The following USP9Y variants were observed in gnomAD, a reference collection of about 807,000 sequenced individuals.
USP9Y encodes the protein ubiquitin carboxyl-terminal hydrolase 9Y.
Under a neutral mutation model 53.1 loss-of-function variants are expected in USP9Y, and 41 were observed. The ratio of observed to expected loss-of-function variants is 0.77; its 90% CI spans 0.60 to 1.00. The LOEUF (loss-of-function observed/expected upper bound fraction) is 1.00. Among genes scored for constraint, USP9Y ranks in the 50% least tolerant of loss-of-function variants. The pLI is 0.00. For synonymous variants in USP9Y, 220 were observed against 173.7 expected (o/e 1.27, Z -2.09); for missense variants, 567 against 535.8 (o/e 1.06, Z -0.58).
intron 18 of USP9Y, 26 bp downstream of exon 18, chrY:12,775,592 T>A: frequency 3.1e-6 from 1 of 317,643 alleles, no homozygotes; most frequent in African/African-American, 6.8e-5. Flanking sequence ...CTTAAAAAGA[T>A]CCACAACAAT....
chrY:12,752,560 G>T, intron 12 of USP9Y, among the ~76,000 whole-genome samples: 1 of 32,755 alleles, frequency 3.1e-5, no homozygotes, highest in Non-Finnish European at 7.5e-5. Flanking sequence ...CCTTGTGTGT[G>T]CCTGTTACTT....
At chrY:12,714,867 G>A in intron 3 of USP9Y, among the ~76,000 whole-genome samples, 1 of 32,585 alleles carries the variant, frequency 3.1e-5, no homozygotes, top group African/African-American at 1.2e-4. Context: ...TTTCTTCAGA[G>A]ATGCACATTA....
At chrY:12,720,174 GA>G (rs2053434327) in intron 3 of USP9Y, among the ~76,000 whole-genome samples, 2 of 33,302 alleles carry the variant, frequency 6.0e-5, no homozygotes, top group Admixed American at 5.3e-4. Context: ...GAGGTGGGTG[GA>G]TCACCTGAGG....
intron 13 of USP9Y, among the ~76,000 whole-genome samples, chrY:12,757,797 A>G: frequency 6.1e-5 from 2 of 33,055 alleles, no homozygotes; most frequent in South Asian, 1.4e-3. Context: ...GCCATTTTTT[A>G]TTTCTAAAGT....
chrY:12,735,665 T>A lies in USP9Y; in HGVS notation c.711T>A (p.Ile237=). The A allele has an allele frequency of 2.5e-6, 1 of 396,954 alleles. No homozygotes were observed. Among genetic ancestry groups the A allele is most frequent in the East Asian group, 9.3e-5 (1 of 10,789 alleles). The change falls in exon 8 of 46, where the codon ATT becomes ATA. Residue 237 remains isoleucine, a synonymous_variant. Coordinates refer to ENST00000338981, the MANE Select transcript of USP9Y (RefSeq NM_004654.4). ...NKFGTLNGFQ[I]LHDRFFNGSA... ...TTGGCACATTAAATGGGTTCCAGAT[T>A]TTGCATGATCGTTTTTTTAATGGAT...
intron 42 of USP9Y, among the ~76,000 whole-genome samples, chrY:12,849,249 T>C (rs2053569861): frequency 3.0e-5 from 1 of 33,531 alleles, no homozygotes; most frequent in Non-Finnish European, 7.4e-5. Flanking sequence ...ATGATTTGGC[T>C]CTCTGTTATT....
intron 33 of USP9Y, among the ~76,000 whole-genome samples, chrY:12,824,919 G>T (rs770278424): frequency 6.3e-5 from 2 of 31,942 alleles, no homozygotes; most frequent in African/African-American, 1.2e-4. Flanking sequence ...TGTTTTTGTT[G>T]GTTTGTTTGT....
In USP9Y at chrY:12,736,432, T is replaced by C; in HGVS notation, c.1047T>C (p.Phe349=). Residue 349 remains phenylalanine, a synonymous_variant, in exon 10 of 46, where the codon TTT becomes TTC. Transcript: ENST00000338981. The part of the protein sequence containing the change: ...MILRLLQISS[F]NGKMNALNEI... ...ATAGATTGTTGCAAATTTCCTCTTT[T>C]AATGGAAAGATGAATGCACTGAATG... is the stretch of plus-strand genomic sequence containing the variant. 1 of 392,494 alleles carries C rather than the reference T, an allele frequency of 2.5e-6. No individual in the cohort carries two copies. Among genetic ancestry groups the C allele is most frequent in the Non-Finnish European group, 3.6e-6 (1 of 278,596 alleles).
intron 12 of USP9Y, among the ~76,000 whole-genome samples, chrY:12,749,845 A>G: frequency 5.9e-5 from 2 of 33,824 alleles, no homozygotes; most frequent in African/African-American, 2.3e-4. Context: ...CAGTTCTTCA[A>G]TTGTGTTATC....
intron 15 of USP9Y, among the ~76,000 whole-genome samples, chrY:12,761,610 A>G (rs930474416): frequency 3.0e-5 from 1 of 33,246 alleles, no homozygotes; most frequent in Non-Finnish European, 7.4e-5. Context: ...TTCATAAAAC[A>G]TCTGCGTCCC....
intron 4 of USP9Y, 85 bp downstream of exon 4, chrY:12,720,822 T>C: frequency 6.9e-6 from 2 of 288,396 alleles, no homozygotes; most frequent in Non-Finnish European, 1.1e-5. Flanking sequence ...TAGTAGTAAA[T>C]GAGAAAAAGA....
chrY:12,767,645 A>G, intron 15 of USP9Y, among the ~76,000 whole-genome samples: 3 of 30,651 alleles, frequency 9.8e-5, no homozygotes, highest in Admixed American at 6.1e-4. Context: ...TGTGTTTACA[A>G]TCGTCCTTAC....
chrY:12,838,601 C>T, intron 35 of USP9Y, among the ~76,000 whole-genome samples: 1 of 32,755 alleles, frequency 3.1e-5, no homozygotes, highest in South Asian at 6.8e-4. Flanking sequence ...CCACCTCAGC[C>T]TCCCAACTAG....
Position 12,735,611 on chromosome Y carries a change from G to A in USP9Y, c.658-1G>A. 1.0e-5 allele frequency: 4 copies of A among 380,970 alleles called. No homozygotes were observed. Among genetic ancestry groups the A allele is most frequent in the Non-Finnish European group, 1.5e-5 (4 of 268,588 alleles). On this transcript the variant is annotated splice_acceptor_variant, in intron 7 of 45. Coordinates refer to ENST00000338981, the MANE Select transcript of USP9Y (RefSeq NM_004654.4). LOFTEE classifies it high-confidence loss of function. ...AATTTTTATTATTAACTGTATTACA[G>A]GGTTGGCTAGTGGATCTCATCAATA...
intron 22 of USP9Y, among the ~76,000 whole-genome samples, chrY:12,781,092 A>C: frequency 3.1e-5 from 1 of 32,679 alleles, no homozygotes; most frequent in African/African-American, 1.2e-4. Context: ...TGCCTTGGAG[A>C]TACTGTGGTT....
chrY:12,712,751 T>G, intron 3 of USP9Y, among the ~76,000 whole-genome samples: 1 of 33,478 alleles, frequency 3.0e-5, no homozygotes, highest in Non-Finnish European at 7.4e-5. Context: ...TTTTTCTGCC[T>G]TTTGTGGTTG....
chrY:12,792,230 G>A (rs2053509106), intron 26 of USP9Y, among the ~76,000 whole-genome samples: 3 of 34,247 alleles, frequency 8.8e-5, no homozygotes, highest in Admixed American at 2.6e-4. Context: ...ATGTTGCAGT[G>A]AGTGGAAATC....
intron 26 of USP9Y, among the ~76,000 whole-genome samples, chrY:12,792,307 G>C (rs761513130): frequency 3.0e-5 from 1 of 33,651 alleles, no homozygotes; most frequent in Admixed American, 2.7e-4. Flanking sequence ...CATTTTACGT[G>C]GTTCTTTTAG....
Position 12,760,485 on chromosome Y carries a change from C to G in USP9Y, c.1768C>G (p.Gln590Glu). 1 of 397,631 alleles carries G rather than the reference C, an allele frequency of 2.5e-6. No individual in the cohort carries two copies. Among genetic ancestry groups the G allele is most frequent in the Non-Finnish European group, 3.5e-6 (1 of 282,776 alleles). Residue 590 changes from glutamine (Q) to glutamate (E), a missense_variant and splice_region_variant, in exon 15 of 46, where the codon CAA becomes GAA. By Grantham distance (29) the Gln-to-Glu change is conservative. Transcript: ENST00000338981. ...ACTGTTAAGTTCTTCTTATTTCAGT[C>G]AAACTCAGCGAAGTCCCCACATATT... Reference protein sequence around the residue: ...LFGEASQNLSQTQRSPHIFYR... With the variant: ...LFGEASQNLSETQRSPHIFYR...
Sources: gnomAD v4.1 joint callset for allele counts (sites outside exome capture counted in the v4.1 genomes callset) on GRCh38, gnomAD v4.1.1 for gene constraint, MANE v1.5 for transcripts, NCBI Gene and HGNC (gene_info 2026-07-23, HGNC 2026-07-21) for gene names.